ADAM28: variants seen among roughly 807,000 people sequenced by gnomAD.
The protein encoded by ADAM28 is ADAM metallopeptidase domain 28.
A neutral mutation model predicts 101.2 loss-of-function variants in ADAM28; 105 were observed. That is an observed-to-expected ratio of 1.04 (90% confidence interval 0.89 to 1.22). The LOEUF is 1.22. Among genes scored for constraint, ADAM28 ranks in the 50% most tolerant of loss-of-function variants. The pLI is 0.00. For synonymous variants in ADAM28, 322 were observed against 310.6 expected, an observed-to-expected ratio of 1.04 and a Z score of -0.39; for missense variants, 1,028 against 945.4, an observed-to-expected ratio of 1.09 and a Z score of -1.15.
chr8:24,305,338 G>T lies in ADAM28; in HGVS notation c.151-4556G>T, dbSNP rs563094660. 3.3e-5 allele frequency among the ~76,000 whole-genome samples: 5 copies of T among 151,726 alleles called. No individual in the cohort carries two copies. In the South Asian group the frequency reaches 1.0e-3, roughly 32 times the overall value. On this transcript the variant is annotated intron_variant, in intron 2 of 22. Coordinates refer to ENST00000265769, the MANE Select transcript of ADAM28 (RefSeq NM_014265.6). The stretch of plus-strand genomic sequence containing the variant: ...AAGAAATGTTGATTTTGTGTCAGGA[G>T]CGATGGTGTGTTCACAAGTGTGTGT...
chr8:24,330,223 A>T, intron 11 of ADAM28, 108 bp downstream of exon 11: 3 of 1,362,844 alleles, frequency 2.2e-6, no homozygotes, highest in Non-Finnish European at 2.0e-6. Flanking sequence ...TTTTTGAGTC[A>T]CTAAATGTGC....
chr8:24,346,854 G>C (rs1184951353), intron 18 of ADAM28: 2 of 151,746 alleles, frequency 1.3e-5, no homozygotes, highest in East Asian at 1.9e-4. Flanking sequence ...TTGTAGTTTT[G>C]CTTCCTAAAT....
At chr8:24,325,487 G>A (rs532864734) in intron 9 of ADAM28, among the ~76,000 whole-genome samples, 30 of 151,888 alleles carry the variant, frequency 2.0e-4, no homozygotes, top group Admixed American at 1.8e-3. Context: ...CAAAATGAAC[G>A]AAATGTTATT....
chr8:24,356,282 GTTGTTTT>G lies in ADAM28; in HGVS notation c.*1881_*1887del, dbSNP rs1816678589. The G allele has an allele frequency of 1.3e-5, 2 of 152,220 alleles. No individual in the cohort carries two copies. The highest frequency in any genetic ancestry group is 4.1e-4 in the South Asian group (2 of 4,828). The allele number at this position is 152,220 out of a possible 1,614,324, so 9.4% of individuals were successfully genotyped here. A position where few individuals can be genotyped will look rare whatever the true frequency, so the allele number is the denominator to read the frequency against. On this transcript the variant is annotated 3_prime_UTR_variant, in exon 23 of 23. Coordinates refer to ENST00000265769, the MANE Select transcript of ADAM28 (RefSeq NM_014265.6). ...TTGTGAACTTTTCTGTGTTGTTGTT[GTTGTTTT>G]TTAAATATCTGTCCCCAGTAATAGA...
intron 2 of ADAM28, among the ~76,000 whole-genome samples, chr8:24,302,737 T>C (rs1808964533): frequency 6.6e-6 from 1 of 152,204 alleles, no homozygotes; most frequent in African/African-American, 2.4e-5. Context: ...GAATGTCTTC[T>C]TTTGAGAAGT....
chr8:24,300,104 C>G lies in ADAM28; in HGVS notation c.150+27C>G, dbSNP rs372875026. The stretch of plus-strand genomic sequence containing the variant: ...TACAGCTTTTGATTTATCAAAGGAT[C>G]TTGATTTGAGATACATATATACACA... On this transcript the variant is annotated intron_variant, in intron 2 of 22. Coordinates refer to ENST00000265769, the MANE Select transcript of ADAM28 (RefSeq NM_014265.6). The G allele has an allele frequency of 1.9e-6, 3 of 1,574,016 alleles. No individual in the cohort carries two copies. In the African/African-American group the frequency reaches 4.1e-5, roughly 21 times the overall value.
intron 6 of ADAM28, among the ~76,000 whole-genome samples, chr8:24,319,666 A>C (rs1049730242): frequency 2.6e-5 from 4 of 151,450 alleles, no homozygotes; most frequent in African/African-American, 7.3e-5. Flanking sequence ...GAGTCAATCC[A>C]CTATGTAACT....
intron 18 of ADAM28, among the ~76,000 whole-genome samples, chr8:24,346,121 A>G (rs959481450): frequency 2.0e-5 from 3 of 152,086 alleles, no homozygotes; most frequent in Admixed American, 6.6e-5. Flanking sequence ...TACTATAGCT[A>G]TGGTCCTAAA....
Position 24,321,119 on chromosome 8 carries a change from A to C in ADAM28, c.649-99A>C. 4 of 671,640 alleles carry C rather than the reference A, an allele frequency of 6.0e-6. No homozygotes were observed. In the South Asian group the frequency reaches 8.0e-5, roughly 13 times the overall value. The allele number at this position is 671,640 out of a possible 1,614,324, so 41.6% of individuals were successfully genotyped here. ...TAAATCTAATAACTAATCTTTAATT[A>C]AAATCAATAATAAGTAATATAAGAG... On this transcript the variant is annotated intron_variant, in intron 7 of 22. Coordinates refer to ENST00000265769, the MANE Select transcript of ADAM28 (RefSeq NM_014265.6).
chr8:24,342,440 G>A lies in ADAM28; in HGVS notation c.1831-661G>A, dbSNP rs572052971. Among the ~76,000 whole-genome samples the A allele has an allele frequency of 5.3e-5, 8 of 152,144 alleles. No homozygotes were observed. The East Asian group carries it at 7.7e-4, about 15-fold the overall frequency. On this transcript the variant is annotated intron_variant, in intron 16 of 22. Transcript: ENST00000265769. ...GGTTCAGTGTGGGTATTGCTTATAC[G>A]TGGTCTCTGAACCCCTGGAGCTGAA...
chr8:24,348,146 T>C (rs772421721), intron 18 of ADAM28, among the ~76,000 whole-genome samples: 3 of 152,200 alleles, frequency 2.0e-5, no homozygotes, highest in East Asian at 1.9e-4. Flanking sequence ...TATTATTTTA[T>C]TAACTTGGAT....
intron 5 of ADAM28, among the ~76,000 whole-genome samples, chr8:24,311,817 C>T (rs1055891493): frequency 6.6e-6 from 1 of 152,084 alleles, no homozygotes; most frequent in Non-Finnish European, 1.5e-5. Context: ...CAGCTCACTG[C>T]AATCTCAGTC....
At chr8:24,321,417 C>T in intron 8 of ADAM28, 128 bp downstream of exon 8, 2 of 790,318 alleles carry the variant, frequency 2.5e-6, no homozygotes, top group Non-Finnish European at 4.5e-6. Context: ...CTGACTGGCT[C>T]CCAAAGGATG....
At chr8:24,308,622 A>G (rs1810025200) in intron 2 of ADAM28, 2 of 456,110 alleles carry the variant, frequency 4.4e-6, no homozygotes, top group South Asian at 1.5e-5. Flanking sequence ...TTTATTTTCA[A>G]TGCCCTTTCT....
intron 10 of ADAM28, among the ~76,000 whole-genome samples, chr8:24,327,600 C>G (rs1185692907): frequency 6.6e-6 from 1 of 151,994 alleles, no homozygotes; most frequent in Non-Finnish European, 1.5e-5. Context: ...GAAAAAAGAA[C>G]AAAGCTGGAG....
intron 18 of ADAM28, among the ~76,000 whole-genome samples, chr8:24,344,198 A>G (rs1373199297): frequency 2.0e-5 from 3 of 152,160 alleles, no homozygotes; most frequent in Non-Finnish European, 2.9e-5. Context: ...ATAGGTCTTC[A>G]GGGTGGGAAG....
rs1815873089 is a variant in ADAM28, at chr8:24,349,933, GGCACCAGA to G, written c.2063_2070del (p.His688LeufsTer46). On this transcript the variant is annotated frameshift_variant, in exon 19 of 23. Coordinates refer to ENST00000265769, the MANE Select transcript of ADAM28 (RefSeq NM_014265.6). LOFTEE classifies it high-confidence loss of function. Reference sequence around the variant, plus strand: ...TTTGTGGTGGTTGCTATGGTAATCCGGCACCAGAGCTCCAGAGAAAAGCAGAAGAAAGA... The same window carrying G: ...TTTGTGGTGGTTGCTATGGTAATCCGGCTCCAGAGAAAAGCAGAAGAAAGA... 6.2e-7 allele frequency: 1 copy of G among 1,613,620 alleles called. No homozygotes were observed. Among genetic ancestry groups the G allele is most frequent in the African/African-American group, 1.3e-5 (1 of 74,970 alleles).
chr8:24,335,358 C>A, intron 13 of ADAM28, 88 bp from the exon 14 acceptor site: 2 of 1,448,628 alleles, frequency 1.4e-6, no homozygotes, highest in Non-Finnish European at 1.8e-6. Flanking sequence ...CCCAAAAAGT[C>A]CAAATGGAAA....
At chr8:24,325,888 A>AAAAAAAAAAAAAAAAAAAC (rs1812523775) in intron 9 of ADAM28, among the ~76,000 whole-genome samples, 1 of 136,128 alleles carries the variant, frequency 7.3e-6, no homozygotes, top group African/African-American at 2.7e-5. Flanking sequence ...AAAAAAAAAA[A>AAAAAAAAAAAAAAAAAAAC]AAAAAAAAAA....
Sources: allele counts gnomAD v4.1 joint callset (sites outside exome capture counted in the v4.1 genomes callset), GRCh38; gene constraint gnomAD v4.1.1; transcripts MANE v1.5; gene names NCBI Gene and HGNC (gene_info 2026-07-23, HGNC 2026-07-21).